The following PDZRN3 variants were observed in gnomAD, a reference collection of about 807,000 sequenced individuals.
The protein encoded by PDZRN3 is PDZ domain containing ring finger 3, also known as E3 ubiquitin-protein ligase PDZRN3.
Under a neutral mutation model 85.7 loss-of-function variants are expected in PDZRN3, and 38 were observed. The observed-to-expected ratio is 0.44, with a 90% CI of 0.34 to 0.58. PDZRN3 has a LOEUF of 0.58. PDZRN3 is among the 20% of genes least tolerant of loss of function. The pLI is 0.01. For synonymous variants in PDZRN3, 759 were observed against 638.0 expected, an observed-to-expected ratio of 1.19 and a Z score of -2.86; for missense variants, 1,629 against 1,506.4, an observed-to-expected ratio of 1.08 and a Z score of -1.35.
At chr3:73,564,443 T>C (rs1701902224) in intron 3 of PDZRN3, among the ~76,000 whole-genome samples, 1 of 152,158 alleles carries the variant, frequency 6.6e-6, no homozygotes, top group Non-Finnish European at 1.5e-5. Flanking sequence ...ATACATTCCA[T>C]CAGCCCTCTC....
chr3:73,569,447 C>A, intron 3 of PDZRN3: 1 of 1,137,242 alleles, frequency 8.8e-7, no homozygotes, highest in Non-Finnish European at 1.1e-6. Flanking sequence ...TTCTCTTAAG[C>A]CCCGAGGCGT....
chr3:73,472,455 G>A (rs935497016), intron 3 of PDZRN3, among the ~76,000 whole-genome samples: 5 of 152,160 alleles, frequency 3.3e-5, no homozygotes, highest in Non-Finnish European at 4.4e-5. Context: ...GCTGTAACCC[G>A]TATATGCCCT....
chr3:73,523,101 C>T (rs557430516), intron 3 of PDZRN3, among the ~76,000 whole-genome samples: 1 of 152,292 alleles, frequency 6.6e-6, no homozygotes, highest in African/African-American at 2.4e-5. Context: ...TGGCTCACTG[C>T]AACCTCCACC....
chr3:73,386,952 G>A (rs1387176847), intron 8 of PDZRN3, among the ~76,000 whole-genome samples: 14 of 152,186 alleles, frequency 9.2e-5, no homozygotes, highest in Admixed American at 9.2e-4. Context: ...CCTACGTGTT[G>A]TGCGAGGGAC....
rs201819844 is a variant in PDZRN3, at chr3:73,383,878, C to G, written c.2688G>C (p.Ala896=). Residue 896 remains alanine, a synonymous_variant, in exon 10 of 10, where the codon GCG becomes GCC. Transcript: ENST00000263666. ...LIQQKSAVEY[A]QSQMSLVSMC... ...TGCTCACCAGGCTCATCTGGCTTTGCGCGTACTCCACGGCCGACTTCTGCT... is the reference window on the plus strand; with the variant it reads ...TGCTCACCAGGCTCATCTGGCTTTGGGCGTACTCCACGGCCGACTTCTGCT... 1.2e-6 allele frequency: 2 copies of G among 1,613,582 alleles called. No individual in the cohort carries two copies. The highest frequency in any genetic ancestry group is 1.7e-6 in the Non-Finnish European group (2 of 1,179,948).
In PDZRN3 at chr3:73,565,449, G is replaced by T. The variant is rs572913741; in HGVS notation, c.918+36905C>A. Among the ~76,000 whole-genome samples the T allele has an allele frequency of 9.9e-5, 15 of 152,196 alleles. No individual in the cohort carries two copies. The East Asian group carries it at 2.7e-3, about 27-fold the overall frequency. On this transcript the variant is annotated intron_variant, in intron 3 of 9. Transcript: ENST00000263666. ...GGCCTATATCCACCAAAAATTAATGGAAGTGAACAAGTCACTTAATCTCTT... is the reference window on the plus strand; with the variant it reads ...GGCCTATATCCACCAAAAATTAATGTAAGTGAACAAGTCACTTAATCTCTT...
At chr3:73,514,913 T>C (rs1458647883) in intron 3 of PDZRN3, among the ~76,000 whole-genome samples, 3 of 152,126 alleles carry the variant, frequency 2.0e-5, no homozygotes, top group African/African-American at 7.2e-5. Flanking sequence ...ATAAACCCAT[T>C]TTACAGACGA....
Position 73,408,329 on chromosome 3 carries a change from A to T in PDZRN3, c.919-3934T>A, listed in dbSNP as rs1701895831. 2.9e-5 allele frequency: 18 copies of T among 630,208 alleles called. No homozygotes were observed. The East Asian group carries it at 5.0e-4, about 17-fold the overall frequency. The allele number at this position is 630,208 out of a possible 1,614,324, so 39.0% of individuals were successfully genotyped here. On this transcript the variant is annotated intron_variant, in intron 3 of 9. Transcript: ENST00000263666. ...GTTTAGATGAGATAACTTACTGGTA[A>T]TGCCTAAATGCCAATAATAAGAATT...
intron 3 of PDZRN3, among the ~76,000 whole-genome samples, chr3:73,524,638 GA>G (rs1239953610): frequency 6.6e-6 from 1 of 152,012 alleles, no homozygotes; most frequent in African/African-American, 2.4e-5. Flanking sequence ...TAATAAAAGA[GA>G]TTTTTTTTTT....
intron 3 of PDZRN3, among the ~76,000 whole-genome samples, chr3:73,518,218 T>C (rs1271630676): frequency 6.6e-6 from 1 of 152,228 alleles, no homozygotes; most frequent in Admixed American, 6.5e-5. Context: ...GGAAGAATGT[T>C]GAGGACCTTA....
At chr3:73,426,143 G>A (rs1197369113) in intron 3 of PDZRN3, among the ~76,000 whole-genome samples, 2 of 152,020 alleles carry the variant, frequency 1.3e-5, no homozygotes, top group African/African-American at 4.8e-5. Flanking sequence ...GTGATTCAGA[G>A]AAAGAATATG....
intron 3 of PDZRN3, among the ~76,000 whole-genome samples, chr3:73,440,877 C>T (rs960689418): frequency 6.6e-6 from 1 of 152,126 alleles, no homozygotes; most frequent in African/African-American, 2.4e-5. Context: ...GGCAGTCCTC[C>T]GACCAGGGGG....
chr3:73,532,992 G>A (rs74835212), intron 3 of PDZRN3, among the ~76,000 whole-genome samples: 2,257 of 152,244 alleles, frequency 0.015, 54 homozygotes, highest in African/African-American at 0.051. Context: ...GAAAATCACA[G>A]TTTAAAAAAG....
At chr3:73,515,912 TTAAC>T (rs1332641939) in intron 3 of PDZRN3, among the ~76,000 whole-genome samples, 1 of 152,172 alleles carries the variant, frequency 6.6e-6, no homozygotes, top group Admixed American at 6.5e-5. Context: ...TCCCCAAAGT[TTAAC>T]TACTGCTCAT....
At chr3:73,430,743 G>A (rs1003493404) in intron 3 of PDZRN3, among the ~76,000 whole-genome samples, 2 of 152,100 alleles carry the variant, frequency 1.3e-5, no homozygotes, top group Non-Finnish European at 2.9e-5. Context: ...TCCAGCCACA[G>A]CCCAAGAGCT....
At chr3:73,593,256 T>C (rs773782902) in intron 3 of PDZRN3, among the ~76,000 whole-genome samples, 10 of 152,216 alleles carry the variant, frequency 6.6e-5, no homozygotes, top group African/African-American at 9.6e-5. Flanking sequence ...TTACCTAAGA[T>C]TTAATTTTTT....
chr3:73,433,802 G>A (rs928382819), intron 3 of PDZRN3: 2 of 1,500,264 alleles, frequency 1.3e-6, no homozygotes, highest in Non-Finnish European at 8.9e-7. Context: ...TCCTTGGAGA[G>A]CCTCAGGTGA....
chr3:73,390,849 C>T (rs887553624), intron 6 of PDZRN3, among the ~76,000 whole-genome samples, 169 bp downstream of exon 6: 5 of 151,958 alleles, frequency 3.3e-5, no homozygotes, highest in African/African-American at 1.2e-4. Context: ...GGCATTAGAA[C>T]TTAACCTCCG....
At chr3:73,441,276 G>A (rs1702629975) in intron 3 of PDZRN3, among the ~76,000 whole-genome samples, 1 of 151,890 alleles carries the variant, frequency 6.6e-6, no homozygotes, top group Admixed American at 6.6e-5. Context: ...AGTTGGGCGT[G>A]GTGGAGCATG....
Sources: allele counts gnomAD v4.1 joint callset (sites outside exome capture counted in the v4.1 genomes callset), GRCh38; gene constraint gnomAD v4.1.1; transcripts MANE v1.5; gene names NCBI Gene and HGNC (gene_info 2026-07-23, HGNC 2026-07-21).